Variants in SRPK2 observed in about 807,000 individuals in gnomAD.
SRPK2 encodes the protein SFRS protein kinase 2.
A neutral mutation model predicts 90.8 loss-of-function variants in SRPK2; 21 were observed. That is an observed-to-expected ratio of 0.23 (90% CI 0.16 to 0.33). The LOEUF (loss-of-function observed/expected upper bound fraction) is 0.33, where lower values mean the gene tolerates loss of function less well. Among genes scored for constraint, SRPK2 ranks in the 10% least tolerant of loss-of-function variants. The pLI is 1.00. For missense variants in SRPK2, 620 were observed against 869.0 expected, an observed-to-expected ratio of 0.71 and a Z score of 3.60; for synonymous variants, 288 against 311.1, an observed-to-expected ratio of 0.93 and a Z score of 0.78.
intron 3 of SRPK2, among the ~76,000 whole-genome samples, chr7:105,179,734 A>G (rs925134214): frequency 2.1e-5 from 3 of 145,784 alleles, no homozygotes; most frequent in Non-Finnish European, 4.5e-5. Context: ...CTGAGGCAGG[A>G]GAATCACTTG....
intron 2 of SRPK2, among the ~76,000 whole-genome samples, chr7:105,379,098 A>T (rs1203613081): frequency 6.6e-6 from 1 of 151,956 alleles, no homozygotes; most frequent in Non-Finnish European, 1.5e-5. Context: ...TTGAGGTGGC[A>T]GTGAGCTATG....
chr7:105,364,176 A>C (rs1180192701), intron 2 of SRPK2, among the ~76,000 whole-genome samples: 5 of 152,192 alleles, frequency 3.3e-5, no homozygotes, highest in Admixed American at 3.3e-4. Flanking sequence ...TAGAACTTAA[A>C]GTATAATTAA....
At chr7:105,199,066 C>A (rs539324098) in intron 3 of SRPK2, among the ~76,000 whole-genome samples, 2 of 152,260 alleles carry the variant, frequency 1.3e-5, no homozygotes, top group South Asian at 4.2e-4. Context: ...TAAATATGGA[C>A]CCTCTTATTA....
At chr7:105,364,751 C>G (rs1220452950) in intron 2 of SRPK2, among the ~76,000 whole-genome samples, 1 of 152,050 alleles carries the variant, frequency 6.6e-6, no homozygotes, top group Non-Finnish European at 1.5e-5. Context: ...AAATTAGAGA[C>G]ATTGTGTTTG....
upstream of SRPK2, among the ~76,000 whole-genome samples, chr7:105,394,236 G>T (rs1037227808): frequency 6.6e-6 from 1 of 150,448 alleles, no homozygotes; most frequent in African/African-American, 2.4e-5. Context: ...TCTGCCTCCC[G>T]GGTTCAGGCG....
At chr7:105,153,703 ACACAGAG>A (rs796637430) in intron 7 of SRPK2, among the ~76,000 whole-genome samples, 3 of 152,240 alleles carry the variant, frequency 2.0e-5, no homozygotes, top group African/African-American at 7.2e-5. Flanking sequence ...TGAACAAAGG[ACACAGAG>A]CAGGGAGACT....
chr7:105,188,941 G>A (rs1417302249), intron 3 of SRPK2, among the ~76,000 whole-genome samples: 1 of 152,068 alleles, frequency 6.6e-6, no homozygotes, highest in Non-Finnish European at 1.5e-5. Context: ...GAGCATAAAA[G>A]GAAAAAAACC....
intron 2 of SRPK2, among the ~76,000 whole-genome samples, chr7:105,217,729 T>C (rs1797633829): frequency 6.6e-6 from 1 of 152,214 alleles, no homozygotes; most frequent in African/African-American, 2.4e-5. Context: ...CAAACTATTT[T>C]ACTGCTAAAA....
At chr7:105,136,936 G>A (rs1032752055) in intron 11 of SRPK2, among the ~76,000 whole-genome samples, 3 of 152,190 alleles carry the variant, frequency 2.0e-5, no homozygotes, top group African/African-American at 4.8e-5. Context: ...CTCGTGTACT[G>A]GTTGAAAATA....
chr7:105,269,733 G>A (rs559499782), intron 2 of SRPK2, among the ~76,000 whole-genome samples: 3 of 152,238 alleles, frequency 2.0e-5, no homozygotes, highest in African/African-American at 7.2e-5. Flanking sequence ...AATCTAACAC[G>A]TTTCCTTTAA....
At chr7:105,248,892 C>T (rs898367637) in intron 2 of SRPK2, among the ~76,000 whole-genome samples, 1 of 151,120 alleles carries the variant, frequency 6.6e-6, no homozygotes, top group Non-Finnish European at 1.5e-5. Flanking sequence ...TGCCACTGCA[C>T]TCCAGCCTGG....
upstream of SRPK2, among the ~76,000 whole-genome samples, chr7:105,389,088 C>T (rs1270056076): frequency 1.4e-5 from 2 of 147,218 alleles, no homozygotes; most frequent in African/African-American, 4.9e-5. Context: ...AAGTGGCCGC[C>T]GCCCATGGCC....
intron 2 of SRPK2, among the ~76,000 whole-genome samples, chr7:105,267,358 T>C (rs1805229949): frequency 6.6e-6 from 1 of 152,190 alleles, no homozygotes; most frequent in Non-Finnish European, 1.5e-5. Context: ...AAGTGTGCTC[T>C]TCCTAGTACC....
intron 2 of SRPK2, among the ~76,000 whole-genome samples, chr7:105,250,804 A>G (rs1251099590): frequency 6.6e-6 from 1 of 152,226 alleles, no homozygotes; most frequent in South Asian, 2.1e-4. Context: ...CTGTAATTCC[A>G]TTAAACAAGT....
At chr7:105,321,573 G>C (rs1812943484) in intron 2 of SRPK2, among the ~76,000 whole-genome samples, 1 of 151,988 alleles carries the variant, frequency 6.6e-6, no homozygotes, top group African/African-American at 2.4e-5. Flanking sequence ...AAATCTGATA[G>C]GGATCTAGTA....
chr7:105,366,187 C>G (rs1050846099), intron 2 of SRPK2, among the ~76,000 whole-genome samples: 1 of 151,868 alleles, frequency 6.6e-6, no homozygotes, highest in Admixed American at 6.6e-5. Context: ...GGAACTCATA[C>G]GCTGCCACTT....
intron 2 of SRPK2, among the ~76,000 whole-genome samples, chr7:105,298,580 C>A (rs1810148074): frequency 6.6e-6 from 1 of 152,094 alleles, no homozygotes; most frequent in Admixed American, 6.6e-5. Context: ...GAGTCTGAGG[C>A]CAGCCTGGGC....
chr7:105,346,163 A>C (rs1180647610), intron 2 of SRPK2, among the ~76,000 whole-genome samples: 3 of 152,206 alleles, frequency 2.0e-5, no homozygotes, highest in Admixed American at 1.3e-4. Context: ...CAAAATAATC[A>C]CCAAATGCCT....
intron 3 of SRPK2, 23 bp downstream of exon 3, chr7:105,203,605 C>G: frequency 6.8e-7 from 1 of 1,464,212 alleles, no homozygotes; most frequent in African/African-American, 1.5e-5. Context: ...GCAAGCCCCA[C>G]ACCACCATGC....
Sources: gnomAD v4.1 joint callset for allele counts (sites outside exome capture counted in the v4.1 genomes callset) on GRCh38, gnomAD v4.1.1 for gene constraint, MANE v1.5 for transcripts, NCBI Gene and HGNC (gene_info 2026-07-23, HGNC 2026-07-21) for gene names.